The following ULK2 variants were observed in gnomAD, a reference collection of about 807,000 sequenced individuals.
The protein encoded by ULK2 is serine/threonine-protein kinase ULK2.
ULK2 carries 76 observed loss-of-function variants against 127.5 expected under a neutral mutation model. That is an observed-to-expected ratio of 0.60 (90% CI 0.50 to 0.72). The LOEUF (loss-of-function observed/expected upper bound fraction) is 0.72. Among genes scored for constraint, ULK2 ranks in the 30% least tolerant of loss-of-function variants. The probability of loss-of-function intolerance (pLI) is 0.00; values close to 1 mark genes in which losing one functional copy is unlikely to be tolerated. For synonymous variants in ULK2, 452 were observed against 461.9 expected (o/e 0.98, Z 0.28); for missense variants, 1,144 against 1,295.9 (o/e 0.88, Z 1.80).
At chr17:19,791,551 G>A (rs2087153541) in intron 20 of ULK2, among the ~76,000 whole-genome samples, 1 of 152,120 alleles carries the variant, frequency 6.6e-6, no homozygotes, top group Non-Finnish European at 1.5e-5. Flanking sequence ...TGGGTATGGT[G>A]GCACACACCT....
intron 7 of ULK2, among the ~76,000 whole-genome samples, chr17:19,843,712 G>T (rs907663041): frequency 2.1e-4 from 32 of 149,982 alleles, no homozygotes; most frequent in Non-Finnish European, 3.8e-4. Context: ...AGGCTGGAGT[G>T]CAGTGGCGTG....
At chr17:19,803,794 T>C (rs1484270778) in intron 15 of ULK2, among the ~76,000 whole-genome samples, 1 of 152,218 alleles carries the variant, frequency 6.6e-6, no homozygotes, top group Non-Finnish European at 1.5e-5. Flanking sequence ...CAACTTTGTG[T>C]AAATGCAATT....
intron 21 of ULK2, among the ~76,000 whole-genome samples, chr17:19,784,827 T>C (rs1055519144): frequency 6.6e-6 from 1 of 151,944 alleles, no homozygotes; most frequent in Non-Finnish European, 1.5e-5. Flanking sequence ...TGCCCAGTCT[T>C]GGGCATTGTA....
chr17:19,822,363 A>T (rs1308098302), intron 12 of ULK2, among the ~76,000 whole-genome samples: 3 of 151,008 alleles, frequency 2.0e-5, no homozygotes, highest in Non-Finnish European at 4.4e-5. Flanking sequence ...TTTATTTTTT[A>T]TTTTATTTTT....
At chr17:19,781,748 A>C in intron 23 of ULK2, 141 bp downstream of exon 23, 2 of 961,792 alleles carry the variant, frequency 2.1e-6, no homozygotes, top group Non-Finnish European at 3.0e-6. Context: ...CATATAGTGA[A>C]ATGTAGTACA....
intron 22 of ULK2, among the ~76,000 whole-genome samples, chr17:19,782,296 A>G (rs896118278): frequency 6.6e-6 from 1 of 152,232 alleles, no homozygotes; most frequent in Non-Finnish European, 1.5e-5. Flanking sequence ...GAGTACCCAC[A>G]TAAGTAAACT....
chr17:19,856,708 C>A (rs1273227763), intron 3 of ULK2, among the ~76,000 whole-genome samples: 1 of 151,668 alleles, frequency 6.6e-6, no homozygotes, highest in Admixed American at 6.6e-5. Flanking sequence ...TGCAGTGGCT[C>A]ACGCCTGGAA....
At chr17:19,788,281 C>T (rs571118650) in intron 20 of ULK2, among the ~76,000 whole-genome samples, 1 of 151,838 alleles carries the variant, frequency 6.6e-6, no homozygotes, top group African/African-American at 2.4e-5. Context: ...ACCCAGGCAG[C>T]GCAGCTCACA....
intron 12 of ULK2, among the ~76,000 whole-genome samples, chr17:19,821,264 G>A (rs780090248): frequency 2.6e-5 from 4 of 152,102 alleles, no homozygotes; most frequent in Non-Finnish European, 5.9e-5. Flanking sequence ...CCGAGATCGC[G>A]CCACTGCACT....
chr17:19,862,492 G>C (rs28625622), intron 3 of ULK2, among the ~76,000 whole-genome samples: 2,750 of 151,530 alleles, frequency 0.018, 83 homozygotes, highest in African/African-American at 0.063. Context: ...TTGAGATGGA[G>C]TTTCGCTCGT....
chr17:19,860,003 T>C (rs996059276), intron 3 of ULK2, among the ~76,000 whole-genome samples: 1 of 152,154 alleles, frequency 6.6e-6, no homozygotes, highest in African/African-American at 2.4e-5. Context: ...TAAATTATCA[T>C]TTAGCCCTAC....
chr17:19,864,133 C>A (rs1268043976), intron 3 of ULK2, among the ~76,000 whole-genome samples: 3 of 151,846 alleles, frequency 2.0e-5, no homozygotes, highest in African/African-American at 7.3e-5. Context: ...ACAGAGGGAC[C>A]CTATCTCTAC....
At chr17:19,856,593 A>C (rs1430059315) in intron 3 of ULK2, among the ~76,000 whole-genome samples, 1 of 151,692 alleles carries the variant, frequency 6.6e-6, no homozygotes, top group African/African-American at 2.4e-5. Flanking sequence ...CACACAAAAA[A>C]AAAAAAGTTT....
intron 10 of ULK2, among the ~76,000 whole-genome samples, chr17:19,834,470 A>G (rs1243917676): frequency 3.9e-5 from 6 of 152,028 alleles, no homozygotes; most frequent in African/African-American, 1.4e-4. Context: ...GGAGGAAAGG[A>G]ATGGAATTAT....
intron 3 of ULK2, among the ~76,000 whole-genome samples, chr17:19,856,808 TA>T (rs1253972513): frequency 2.0e-4 from 29 of 148,412 alleles, no homozygotes; most frequent in South Asian, 6.4e-4. Context: ...CCGTCTCTAC[TA>T]AAAAATACAA....
At chr17:19,845,281 C>T in intron 7 of ULK2, 23 bp downstream of exon 7, 1 of 1,601,816 alleles carries the variant, frequency 6.2e-7, no homozygotes, top group Non-Finnish European at 8.5e-7. Flanking sequence ...TTTAAACACA[C>T]AAGGATGCAA....
intron 13 of ULK2, among the ~76,000 whole-genome samples, chr17:19,811,979 C>T (rs1209663070): frequency 2.6e-5 from 4 of 152,000 alleles, no homozygotes; most frequent in Non-Finnish European, 5.9e-5. Flanking sequence ...CTCACAAGGA[C>T]AAAAAGAACA....
At chr17:19,780,402 T>C (rs932889544) in intron 25 of ULK2, 70 bp downstream of exon 25, 14 of 1,373,004 alleles carry the variant, frequency 1.0e-5, no homozygotes, top group Middle Eastern at 2.6e-4. Context: ...AGCTGTCATA[T>C]AGATATTCAA....
chr17:19,811,057 C>G (rs181944327), intron 13 of ULK2: 12 of 151,984 alleles, frequency 7.9e-5, no homozygotes, highest in African/African-American at 2.7e-4. Context: ...GAGTTTGAGA[C>G]CTGCCTGGGC....
Sources: allele counts gnomAD v4.1 joint callset (sites outside exome capture counted in the v4.1 genomes callset), GRCh38; gene constraint gnomAD v4.1.1; transcripts MANE v1.5; gene names NCBI Gene and HGNC (gene_info 2026-07-23, HGNC 2026-07-21).